Variants in GALNT17 observed in about 807,000 individuals in gnomAD.
GALNT17 encodes the protein polypeptide N-acetylgalactosaminyltransferase 17.
Under a neutral mutation model 63.7 loss-of-function variants are expected in GALNT17, and 29 were observed. The ratio of observed to expected loss-of-function variants is 0.46; its 90% confidence interval spans 0.34 to 0.62. The LOEUF is 0.62. Ranked by LOEUF, GALNT17 falls within the 20% of genes least tolerant of loss-of-function variation. The probability of loss-of-function intolerance (pLI) is 0.01; values close to 1 mark genes in which losing one functional copy is unlikely to be tolerated. For synonymous variants in GALNT17, 305 were observed against 318.3 expected, an observed-to-expected ratio of 0.96 and a Z score of 0.45; for missense variants, 603 against 799.6, an observed-to-expected ratio of 0.75 and a Z score of 2.97.
At chr7:71,394,354 C>G (rs774505287) in intron 3 of GALNT17, among the ~76,000 whole-genome samples, 2 of 152,144 alleles carry the variant, frequency 1.3e-5, no homozygotes, top group Non-Finnish European at 2.9e-5. Flanking sequence ...CACCTACCAC[C>G]AGGCCCCACC....
intron 5 of GALNT17, among the ~76,000 whole-genome samples, chr7:71,475,372 A>G (rs1408479059): frequency 6.6e-6 from 1 of 152,186 alleles, no homozygotes; most frequent in Non-Finnish European, 1.5e-5. Context: ...CTGCAACTAA[A>G]CGGTCCCTTC....
intron 6 of GALNT17, among the ~76,000 whole-genome samples, chr7:71,594,166 C>T (rs1234314849): frequency 2.6e-5 from 4 of 151,952 alleles, no homozygotes; most frequent in African/African-American, 7.3e-5. Flanking sequence ...GAAAATTATG[C>T]GGGAGACACA....
At position 71,205,020 on chromosome 7, in the gene GALNT17, A is replaced by G. The variant is rs186135642; in HGVS notation, c.238+71980A>G. Among the ~76,000 whole-genome samples, 12 of 152,216 alleles carry G rather than the reference A, an allele frequency of 7.9e-5. No individual in the cohort carries two copies. In the East Asian group the frequency reaches 1.4e-3, roughly 17 times the overall value. The stretch of plus-strand genomic sequence containing the variant: ...CTTGGCCACCCAAAATGCTGGGATT[A>G]CATCTTTTCATTTACTTGTGTCTTC... On this transcript the variant is annotated intron_variant, in intron 1 of 10. Coordinates refer to ENST00000333538, the MANE Select transcript of GALNT17 (RefSeq NM_022479.3).
At chr7:71,651,228 A>AAG (rs1790749859) in intron 6 of GALNT17, among the ~76,000 whole-genome samples, 1 of 150,418 alleles carries the variant, frequency 6.6e-6, no homozygotes, top group Admixed American at 6.6e-5. Flanking sequence ...CACAAAAAAA[A>AAG]AAAAAAAAAA....
At chr7:71,248,759 C>T (rs1427033860) in intron 1 of GALNT17, among the ~76,000 whole-genome samples, 1 of 152,134 alleles carries the variant, frequency 6.6e-6, no homozygotes, top group African/African-American at 2.4e-5. Flanking sequence ...CCTTTCTATA[C>T]ATCAGCTCAT....
chr7:71,575,105 T>C (rs1440467257), intron 6 of GALNT17, among the ~76,000 whole-genome samples: 1 of 152,174 alleles, frequency 6.6e-6, no homozygotes, highest in Non-Finnish European at 1.5e-5. Flanking sequence ...TGAAATAATA[T>C]ACACAAGGCA....
chr7:71,249,620 A>G (rs921799903), intron 1 of GALNT17, among the ~76,000 whole-genome samples: 1 of 152,198 alleles, frequency 6.6e-6, no homozygotes, highest in African/African-American at 2.4e-5. Context: ...CATGGCAGCC[A>G]TCTTAGTAGA....
At chr7:71,295,881 C>T (rs1043714586) in intron 1 of GALNT17, among the ~76,000 whole-genome samples, 4 of 151,850 alleles carry the variant, frequency 2.6e-5, no homozygotes, top group African/African-American at 7.3e-5. Flanking sequence ...AGGTGCAAGC[C>T]ACTGTGCCAA....
In GALNT17 at chr7:71,158,464, G is replaced by A. The variant is rs1331430229; in HGVS notation, c.238+25424G>A. Among the ~76,000 whole-genome samples, 4 of 151,372 alleles carry A rather than the reference G, an allele frequency of 2.6e-5. 1 individual carries two copies. The highest frequency in any genetic ancestry group is 2.1e-4 in the South Asian group (1 of 4,812). ...GGCTGGAGTGCAGTGGCGTGATCTT[G>A]GCTCACTGCATCCTCCTCCTCCTGG... is the stretch of plus-strand genomic sequence containing the variant. On this transcript the variant is annotated intron_variant, in intron 1 of 10. Transcript: ENST00000333538.
chr7:71,157,225 C>T (rs761421204), intron 1 of GALNT17, among the ~76,000 whole-genome samples: 2 of 151,918 alleles, frequency 1.3e-5, no homozygotes, highest in Non-Finnish European at 2.9e-5. Flanking sequence ...GCAGATATCA[C>T]CCCTAGTTCC....
intron 9 of GALNT17, among the ~76,000 whole-genome samples, chr7:71,693,311 T>C (rs1362775692): frequency 1.9e-4 from 27 of 141,226 alleles, no homozygotes; most frequent in African/African-American, 3.7e-4. Flanking sequence ...CACACACACA[T>C]ATATATATAT....
chr7:71,166,933 A>G (rs1485760348), intron 1 of GALNT17, among the ~76,000 whole-genome samples: 1 of 152,086 alleles, frequency 6.6e-6, no homozygotes, highest in East Asian at 1.9e-4. Context: ...TATGTCACTC[A>G]GGCTGGAGTA....
intron 5 of GALNT17, among the ~76,000 whole-genome samples, chr7:71,502,342 C>T (rs6963026): frequency 4.6e-5 from 7 of 152,110 alleles, no homozygotes; most frequent in African/African-American, 1.4e-4. Context: ...TCACATTCAT[C>T]GGAATTGGGA....
chr7:71,504,187 A>C (rs1405568042), intron 5 of GALNT17, among the ~76,000 whole-genome samples: 2 of 150,786 alleles, frequency 1.3e-5, no homozygotes, highest in Admixed American at 1.3e-4. Context: ...AGATTGTGCC[A>C]CTGCACTCCA....
chr7:71,565,845 CTTTTTTT>C (rs71738437), intron 5 of GALNT17, among the ~76,000 whole-genome samples: 2 of 127,840 alleles, frequency 1.6e-5, no homozygotes, highest in South Asian at 2.5e-4. Context: ...CTTCTCTTTT[CTTTTTTT>C]TTTTTTTTTG....
chr7:71,555,872 G>C (rs144250668), intron 5 of GALNT17, among the ~76,000 whole-genome samples: 33 of 152,330 alleles, frequency 2.2e-4, no homozygotes, highest in African/African-American at 7.5e-4. Context: ...TTCTGTCTCT[G>C]ATGCACGGCT....
intron 1 of GALNT17, among the ~76,000 whole-genome samples, chr7:71,258,617 A>G (rs1583806044): frequency 6.6e-6 from 1 of 152,250 alleles, no homozygotes; most frequent in East Asian, 1.9e-4. Flanking sequence ...AATATATCAC[A>G]GAAACCTGGA....
At chr7:71,304,295 C>T (rs769983195) in intron 1 of GALNT17, among the ~76,000 whole-genome samples, 12 of 152,148 alleles carry the variant, frequency 7.9e-5, no homozygotes, top group African/African-American at 1.9e-4. Flanking sequence ...ATTCGACAGA[C>T]GCTAAGTTAA....
At chr7:71,232,817 G>T (rs992725857) in intron 1 of GALNT17, among the ~76,000 whole-genome samples, 4 of 152,122 alleles carry the variant, frequency 2.6e-5, no homozygotes, top group African/African-American at 7.2e-5. Flanking sequence ...TCTGGGTGTG[G>T]CCATGGCAGT....
Sources: allele counts gnomAD v4.1 joint callset (sites outside exome capture counted in the v4.1 genomes callset), GRCh38; gene constraint gnomAD v4.1.1; transcripts MANE v1.5; gene names NCBI Gene and HGNC (gene_info 2026-07-23, HGNC 2026-07-21).